The following RPS6KC1 variants were observed in gnomAD, a reference collection of about 807,000 sequenced individuals.
RPS6KC1 encodes inactive ribosomal protein S6 kinase delta-1.
A neutral mutation model predicts 103.8 loss-of-function variants in RPS6KC1; 54 were observed. The observed-to-expected ratio is 0.52, with a 90% CI of 0.42 to 0.65. The LOEUF is 0.65. Ranked by LOEUF, RPS6KC1 falls within the 30% of genes least tolerant of loss-of-function variation. The pLI, the probability that RPS6KC1 is intolerant of heterozygous loss-of-function variation, is 0.00. For synonymous variants in RPS6KC1, 439 were observed against 438.7 expected, an observed-to-expected ratio of 1.00 and a Z score of -0.01; for missense variants, 1,151 against 1,253.8, an observed-to-expected ratio of 0.92 and a Z score of 1.24.
At chr1:213,287,971 T>C in the RPS6KC1 span, among the ~76,000 whole-genome samples, 3 of 51,242 alleles carry the variant, frequency 5.9e-5, no homozygotes, top group South Asian at 2.3e-3. Flanking sequence ...TCTTTCATAG[T>C]AATAGTAACT....
chr1:213,156,899 C>T (rs945901442), intron 6 of RPS6KC1, among the ~76,000 whole-genome samples: 2 of 151,794 alleles, frequency 1.3e-5, no homozygotes, highest in Non-Finnish European at 2.9e-5. Context: ...CATTTGTTTT[C>T]TCTGTATTTC....
At chr1:213,146,498 C>G (rs2087848712) in intron 6 of RPS6KC1, among the ~76,000 whole-genome samples, 1 of 150,870 alleles carries the variant, frequency 6.6e-6, no homozygotes, top group South Asian at 2.1e-4. Context: ...TCTTGGCTCA[C>G]TGCAACCTCC....
the RPS6KC1 span, among the ~76,000 whole-genome samples, chr1:213,657,872 A>G: frequency 6.6e-6 from 1 of 152,212 alleles, no homozygotes; most frequent in Non-Finnish European, 1.5e-5. Flanking sequence ...GCTATATTTT[A>G]GGAGGTACAT....
At chr1:213,448,528 G>T in the RPS6KC1 span, among the ~76,000 whole-genome samples, 11 of 151,968 alleles carry the variant, frequency 7.2e-5, no homozygotes, top group African/African-American at 2.4e-4. Flanking sequence ...AGCCTGGGCG[G>T]GTCTTCGTAA....
At chr1:213,256,266 C>T (rs528745877) in intron 12 of RPS6KC1, among the ~76,000 whole-genome samples, 2 of 152,128 alleles carry the variant, frequency 1.3e-5, no homozygotes, top group African/African-American at 2.4e-5. Context: ...GCAGGCTGTC[C>T]GTGGAAGAGA....
the RPS6KC1 span, among the ~76,000 whole-genome samples, chr1:213,420,757 A>G: frequency 1.3e-5 from 2 of 152,174 alleles, no homozygotes; most frequent in Admixed American, 6.5e-5. Context: ...ACAAAGTACT[A>G]TGAACTGGGT....
chr1:213,191,724 A>G (rs1573147898), intron 8 of RPS6KC1, among the ~76,000 whole-genome samples: 1 of 152,204 alleles, frequency 6.6e-6, no homozygotes, highest in East Asian at 1.9e-4. Flanking sequence ...TCTCGATCTT[A>G]GAGGAAAGGC....
chr1:213,459,438 G>GATA, the RPS6KC1 span, among the ~76,000 whole-genome samples: 1 of 152,076 alleles, frequency 6.6e-6, no homozygotes, highest in Non-Finnish European at 1.5e-5. Flanking sequence ...GATCAGCGAT[G>GATA]ATAACCCTTT....
At chr1:213,739,592 G>C in the RPS6KC1 span, among the ~76,000 whole-genome samples, 1 of 152,030 alleles carries the variant, frequency 6.6e-6, no homozygotes, top group Non-Finnish European at 1.5e-5. Context: ...ATTACACACA[G>C]CATGTGAAAT....
chr1:213,672,866 T>C, the RPS6KC1 span, among the ~76,000 whole-genome samples: 1 of 152,312 alleles, frequency 6.6e-6, no homozygotes, highest in African/African-American at 2.4e-5. Context: ...CCAATCTCAG[T>C]TGCTGGCATT....
At chr1:213,570,164 C>G in the RPS6KC1 span, among the ~76,000 whole-genome samples, 117 of 152,322 alleles carry the variant, frequency 7.7e-4, no homozygotes, top group Admixed American at 1.3e-3. Flanking sequence ...AAACTCAGCT[C>G]TGTCACTTAT....
chr1:213,343,846 T>A, the RPS6KC1 span, among the ~76,000 whole-genome samples: 1 of 151,874 alleles, frequency 6.6e-6, no homozygotes, highest in Non-Finnish European at 1.5e-5. Context: ...GAGGAAAATA[T>A]TGTTAATGAA....
chr1:213,848,726 CAT>C, the RPS6KC1 span, among the ~76,000 whole-genome samples: 2 of 152,110 alleles, frequency 1.3e-5, no homozygotes, highest in Non-Finnish European at 2.9e-5. Context: ...ACTTCAATAA[CAT>C]AGATGTTTAT....
chr1:213,475,150 C>T, the RPS6KC1 span, among the ~76,000 whole-genome samples: 9 of 152,302 alleles, frequency 5.9e-5, no homozygotes, highest in South Asian at 2.1e-4. Context: ...AGCACGGGGC[C>T]GTGCCATCTT....
At chr1:213,818,136 G>T in the RPS6KC1 span, 1 of 152,142 alleles carries the variant, frequency 6.6e-6, no homozygotes, top group African/African-American at 2.4e-5. Flanking sequence ...TGTTCCCTGA[G>T]ACACAATAAT....
chr1:213,765,641 C>T, the RPS6KC1 span, among the ~76,000 whole-genome samples: 2 of 152,016 alleles, frequency 1.3e-5, no homozygotes, highest in Non-Finnish European at 2.9e-5. Flanking sequence ...GGCAAATAAA[C>T]GTCAGGCACA....
chr1:213,167,439 AACACACACACACACACAC>A (rs199762137), intron 6 of RPS6KC1, among the ~76,000 whole-genome samples: 20 of 75,946 alleles, frequency 2.6e-4, no homozygotes, highest in Non-Finnish European at 1.4e-4. Context: ...CAAGGTTGAA[AACACACACACACACACAC>A]ACACACACAC....
intron 4 of RPS6KC1, among the ~76,000 whole-genome samples, chr1:213,111,721 G>A (rs954472056): frequency 6.6e-6 from 1 of 151,994 alleles, no homozygotes; most frequent in African/African-American, 2.4e-5. Flanking sequence ...TTTATAGGTC[G>A]GTAACTTAAA....
the RPS6KC1 span, among the ~76,000 whole-genome samples, chr1:213,693,710 G>A: frequency 1.3e-5 from 2 of 152,206 alleles, no homozygotes; most frequent in Admixed American, 1.3e-4. Flanking sequence ...ATCAGAGGAG[G>A]ACATTGGGAA....
Sources: gnomAD v4.1 joint callset for allele counts (sites outside exome capture counted in the v4.1 genomes callset) on GRCh38, gnomAD v4.1.1 for gene constraint, MANE v1.5 for transcripts, NCBI Gene and HGNC (gene_info 2026-07-23, HGNC 2026-07-21) for gene names.